NONO: variants seen among roughly 807,000 people sequenced by gnomAD.
NONO encodes non-POU domain containing octamer binding, also known as non-POU domain-containing octamer-binding protein.
In NONO, 6 loss-of-function variants were observed where a neutral mutation model predicts 40.2. The observed-to-expected ratio is 0.15, with a 90% confidence interval of 0.08 to 0.29. The LOEUF (loss-of-function observed/expected upper bound fraction) is 0.29, where lower values mean the gene tolerates loss of function less well. NONO is among the 10% of genes least tolerant of loss of function. The pLI, the probability that NONO is intolerant of heterozygous loss-of-function variation, is 1.00. For missense variants in NONO, 133 were observed against 397.8 expected (o/e 0.33, Z 5.66); for synonymous variants, 89 against 123.3 (o/e 0.72, Z 1.85).
chrX:71,299,736 C>T (rs775874641), intron 11 of NONO, among the ~76,000 whole-genome samples: 1 of 111,555 alleles, frequency 9.0e-6, no homozygotes, highest in South Asian at 3.8e-4. Context: ...CTGCCTCAGC[C>T]TCCTGAGTAG....
intron 5 of NONO, among the ~76,000 whole-genome samples, chrX:71,294,984 G>A (rs980251373): frequency 2.7e-5 from 3 of 111,969 alleles, no homozygotes; most frequent in Admixed American, 9.5e-5. Flanking sequence ...TTGGGAGGCC[G>A]AGGCGGGCAG....
rs2031472470 is a variant in NONO, at chrX:71,297,233, G to T, written c.944-144G>T. On this transcript the variant is annotated intron_variant, in intron 7 of 11. Transcript: ENST00000276079. The stretch of plus-strand genomic sequence containing the variant: ...GGATTCTGTGGAGAAGGAAATGATA[G>T]GTATAACTTCATTTTGGAATCTGGA... 19 of 654,042 alleles carry T rather than the reference G, an allele frequency of 2.9e-5. 1 individual carries two copies. The South Asian group carries it at 5.7e-4, about 20-fold the overall frequency. 53.9% of individuals were successfully genotyped at this position (654,042 alleles called of 1,213,427 possible).
At position 71,291,840 on chromosome X, in the gene NONO, A is replaced by G. The variant is rs1263491647; in HGVS notation, c.216A>G (p.Gln72=). Residue 72 remains glutamine, a synonymous_variant, in exon 4 of 12, where the codon CAA becomes CAG. Coordinates refer to ENST00000276079, the MANE Select transcript of NONO (RefSeq NM_007363.5). ...AACCAGGAGAGAAGACCTTCACCCA[A>G]CGAAGCCGTCTTTTTGTGGGAAATC... The part of the protein sequence containing the change: ...FRKPGEKTFT[Q]RSRLFVGNLP... 2 of 1,204,203 alleles carry G rather than the reference A, an allele frequency of 1.7e-6. No individual in the cohort carries two copies. Among genetic ancestry groups the G allele is most frequent in the Admixed American group, 2.2e-5 (1 of 44,559 alleles).
intron 6 of NONO, 89 bp downstream of exon 6, chrX:71,296,749 C>G: frequency 2.0e-6 from 2 of 1,012,387 alleles, no homozygotes; most frequent in Middle Eastern, 5.3e-4. Flanking sequence ...GTCTTTGCTG[C>G]ACATGTTCAC....
chrX:71,297,153 T>G, intron 7 of NONO, 106 bp downstream of exon 7: 5 of 770,782 alleles, frequency 6.5e-6, no homozygotes, highest in Non-Finnish European at 9.2e-6. Flanking sequence ...GCTTTTATAC[T>G]TAGTTTGCGT....
chrX:71,296,486 A>T (rs2031454181), intron 5 of NONO, 79 bp from the exon 6 acceptor site: 9 of 648,772 alleles, frequency 1.4e-5, no homozygotes, highest in Non-Finnish European at 2.1e-5. Context: ...TAGCTAATTC[A>T]TTGTGCCAGT....
intron 2 of NONO, among the ~76,000 whole-genome samples, chrX:71,285,725 TAATG>T (rs1569236958): frequency 8.9e-6 from 1 of 112,140 alleles, no homozygotes; most frequent in Non-Finnish European, 1.9e-5. Context: ...ACTGAAATGA[TAATG>T]TATGTCTAAA....
rs1298308316 is a variant in NONO, at chrX:71,297,849, C to T, written c.1042C>T (p.Arg348Cys). ...KQLELRQEEERRRREEEMRRQ... is the reference protein window; with the variant it reads ...KQLELRQEEECRRREEEMRRQ... Reference sequence around the variant, plus strand: ...GACTCTCTGTAGGCAGGAGGAAGAGCGCAGGCGCCGTGAAGAAGAGATGCG... The same window carrying T: ...GACTCTCTGTAGGCAGGAGGAAGAGTGCAGGCGCCGTGAAGAAGAGATGCG... The change falls in exon 9 of 12, where the codon CGC (arginine) becomes TGC (cysteine). Residue 348 changes from arginine to cysteine, a missense_variant. By Grantham distance (180) the Arg-to-Cys change is radical. Around this residue, in one of 3 missense-constraint regions of NONO, gnomAD observed 73 missense variants for 162.2 expected, o/e 0.45. Coordinates refer to ENST00000276079, the MANE Select transcript of NONO (RefSeq NM_007363.5). The T allele has an allele frequency of 2.5e-6, 3 of 1,204,981 alleles. No individual in the cohort carries two copies. Among genetic ancestry groups the T allele is most frequent in the East Asian group, 3.0e-5 (1 of 33,729 alleles).
In NONO at chrX:71,294,611, T is replaced by G. The variant is rs1461161825; in HGVS notation, c.650+83T>G. 24 of 962,005 alleles carry G rather than the reference T, an allele frequency of 2.5e-5. 1 individual carries two copies. The highest frequency in any genetic ancestry group is 3.9e-5 in the African/African-American group (2 of 51,442). 79.3% of individuals were successfully genotyped at this position (962,005 alleles called of 1,213,427 possible). ...GGAGAGTTAGCCTCTAGTAACCACT[T>G]TTCTATGTTTAAAGACTTTTGGTCA... On this transcript the variant is annotated intron_variant, in intron 5 of 11. Coordinates refer to ENST00000276079, the MANE Select transcript of NONO (RefSeq NM_007363.5).
chrX:71,293,607 G>A (rs1397183752), intron 4 of NONO, among the ~76,000 whole-genome samples: 4 of 109,647 alleles, frequency 3.6e-5, no homozygotes, highest in Non-Finnish European at 7.6e-5. Context: ...AAATATTCTA[G>A]GTGGTTTTAG....
At chrX:71,296,725 T>C in intron 6 of NONO, 65 bp downstream of exon 6, 2 of 1,006,490 alleles carry the variant, frequency 2.0e-6, no homozygotes, top group South Asian at 2.2e-5. Flanking sequence ...TAAAGGGATA[T>C]GTAAAAGAGG....
At chrX:71,296,516 C>G (rs2031455245) in intron 5 of NONO, 49 bp from the exon 6 acceptor site, 2 of 875,819 alleles carry the variant, frequency 2.3e-6, no homozygotes, top group African/African-American at 4.0e-5. Flanking sequence ...AGAGAAGAAG[C>G]CTGGTGGGGT....
chrX:71,294,210 T>C lies in NONO; in HGVS notation c.349-17T>C. On this transcript the variant is annotated splice_polypyrimidine_tract_variant and intron_variant, in intron 4 of 11. Coordinates refer to ENST00000276079, the MANE Select transcript of NONO (RefSeq NM_007363.5). ...CTTTGTCAAACTGAGTTATTCTGAT[T>C]TTCCTCTGCTTCCTAGGAAACCCGA... 1 of 1,206,913 alleles carries C rather than the reference T, an allele frequency of 8.3e-7. No homozygotes were observed. Among genetic ancestry groups the C allele is most frequent in the Non-Finnish European group, 1.1e-6 (1 of 892,096 alleles).
intron 2 of NONO, among the ~76,000 whole-genome samples, 156 bp downstream of exon 2, chrX:71,284,609 A>G (rs2031147948): frequency 8.9e-6 from 1 of 111,967 alleles, no homozygotes; most frequent in Non-Finnish European, 1.9e-5. Context: ...TATTTGCTAA[A>G]TCTGGCAACT....
At chrX:71,294,886 T>C (rs1350313664) in intron 5 of NONO, among the ~76,000 whole-genome samples, 1 of 109,313 alleles carries the variant, frequency 9.1e-6, no homozygotes, top group Non-Finnish European at 1.9e-5. Flanking sequence ...GCCACTGCAC[T>C]CCAGCCTGGG....
intron 5 of NONO, among the ~76,000 whole-genome samples, chrX:71,295,081 A>G (rs2031407158): frequency 9.2e-6 from 1 of 109,138 alleles, no homozygotes; most frequent in Admixed American, 9.8e-5. Context: ...AAATAAAAAT[A>G]CCAAAATTAG....
intron 2 of NONO, 149 bp from the exon 3 acceptor site, chrX:71,290,480 C>G: frequency 2.2e-6 from 1 of 445,662 alleles, no homozygotes; most frequent in Non-Finnish European, 3.9e-6. Flanking sequence ...AATTGTTCTT[C>G]TTTGTCATGG....
intron 5 of NONO, 57 bp from the exon 6 acceptor site, chrX:71,296,508 A>G (rs2031454995): frequency 2.4e-6 from 2 of 828,479 alleles, no homozygotes; most frequent in South Asian, 4.8e-5. Flanking sequence ...ACATGTGTAG[A>G]GAAGAAGCCT....
In NONO at chrX:71,300,316, T is replaced by TGA. The variant is rs2031551246; in HGVS notation, c.*241_*242dup. ...TGGTGCATTCCTGAAGTCTCTAATG[T>TGA]GACTGTTGAGGGCCTGGGGAAACCA... On this transcript the variant is annotated 3_prime_UTR_variant, in exon 12 of 12. Coordinates refer to ENST00000276079, the MANE Select transcript of NONO (RefSeq NM_007363.5). 2.6e-6 allele frequency: 1 copy of TGA among 389,780 alleles called. No individual in the cohort carries two copies. Among genetic ancestry groups the TGA allele is most frequent in the Non-Finnish European group, 4.5e-6 (1 of 222,540 alleles). The allele number at this position is 389,780 out of a possible 1,213,427, so 32.1% of individuals were successfully genotyped here. A position where few individuals can be genotyped will look rare whatever the true frequency, so the allele number is the denominator to read the frequency against.
Sources: gnomAD v4.1 joint callset for allele counts (sites outside exome capture counted in the v4.1 genomes callset) on GRCh38, gnomAD v4.1.1 for gene constraint, gnomAD v4.1.1 regional missense constraint, MANE v1.5 for transcripts, NCBI Gene and HGNC (gene_info 2026-07-23, HGNC 2026-07-21) for gene names.